The following PHF21B variants were observed in gnomAD, a reference collection of about 807,000 sequenced individuals.
PHF21B encodes the protein PHD finger protein 21B.
Under a neutral mutation model 62.2 loss-of-function variants are expected in PHF21B, and 22 were observed. The observed-to-expected ratio is 0.35, with a 90% CI of 0.25 to 0.51. PHF21B has a LOEUF of 0.51. PHF21B is among the 20% of genes least tolerant of loss of function. The probability of loss-of-function intolerance (pLI) is 0.97; values close to 1 mark genes in which losing one functional copy is unlikely to be tolerated. For missense variants in PHF21B, 701 were observed against 707.9 expected (o/e 0.99, Z 0.11); for synonymous variants, 341 against 314.7 (o/e 1.08, Z -0.88).
chr22:44,959,968 G>A (rs937822459), intron 2 of PHF21B, among the ~76,000 whole-genome samples: 1 of 152,194 alleles, frequency 6.6e-6, no homozygotes, highest in African/African-American at 2.4e-5. Context: ...GAAGCGCTCT[G>A]AGCAGGGCCA....
chr22:44,928,618 T>C (rs5766201), intron 2 of PHF21B, among the ~76,000 whole-genome samples: 91,748 of 152,066 alleles, frequency 0.6, 29,181 homozygotes, highest in East Asian at 0.89. Flanking sequence ...CCATGTTGAC[T>C]GGGCTGGTCT....
At chr22:44,986,525 A>T (rs1379118624) in intron 2 of PHF21B, among the ~76,000 whole-genome samples, 3 of 146,662 alleles carry the variant, frequency 2.0e-5, no homozygotes, top group African/African-American at 7.6e-5. Context: ...TTATTTCAAA[A>T]AAAAAAAAAA....
At chr22:44,945,345 C>T (rs2072045757) in intron 2 of PHF21B, among the ~76,000 whole-genome samples, 1 of 152,214 alleles carries the variant, frequency 6.6e-6, no homozygotes, top group African/African-American at 2.4e-5. Flanking sequence ...CGATTTAACT[C>T]CGTCTGAGTG....
rs1056339974 is a variant in PHF21B at position 44,981,770 on chromosome 22, G to A, written c.120+26775C>T. On this transcript the variant is annotated intron_variant, in intron 2 of 12. Transcript: ENST00000313237. ...ACAAAGAAATGTGACAAGCTACAGCGGCACGCAGGTGTTCTGCTCAAGGAC... is the reference window on the plus strand; with the variant it reads ...ACAAAGAAATGTGACAAGCTACAGCAGCACGCAGGTGTTCTGCTCAAGGAC... 7.2e-5 allele frequency among the ~76,000 whole-genome samples: 11 copies of A among 152,320 alleles called. No homozygotes were observed. In the South Asian group the frequency reaches 1.5e-3, roughly 20 times the overall value.
chr22:44,912,699 T>C (rs187133582), intron 5 of PHF21B, among the ~76,000 whole-genome samples: 16 of 151,898 alleles, frequency 1.1e-4, no homozygotes, highest in Non-Finnish European at 1.8e-4. Context: ...AACGGACTAA[T>C]ACACCCTGTC....
intron 12 of PHF21B, among the ~76,000 whole-genome samples, chr22:44,885,164 T>A (rs113117773): frequency 2.0e-5 from 3 of 152,360 alleles, no homozygotes; most frequent in South Asian, 2.1e-4. Context: ...ACAGTGAAGC[T>A]CTGCATCCAC....
At chr22:44,961,315 T>G (rs948181556) in intron 2 of PHF21B, among the ~76,000 whole-genome samples, 5 of 152,172 alleles carry the variant, frequency 3.3e-5, no homozygotes, top group African/African-American at 9.6e-5. Context: ...GCAGGTTACA[T>G]AGGTATACTT....
Position 45,008,564 on chromosome 22 carries a change from G to A in PHF21B, c.101C>T (p.Ala34Val). The change falls in exon 2 of 13, where the codon GCC becomes GTC. Residue 34 changes from alanine (A) to valine (V), a missense_variant. Transcript: ENST00000313237. ...KQLHERQPRI[A>V]ALSDKQALGT... ...GCTTACTTGTTTGTCGCTGAGCGCGGCGATCCGCGGCTGCCTTTCGTGGAG... is the reference window on the plus strand; with the variant it reads ...GCTTACTTGTTTGTCGCTGAGCGCGACGATCCGCGGCTGCCTTTCGTGGAG... The A allele has an allele frequency of 6.3e-7, 1 of 1,586,836 alleles. No individual in the cohort carries two copies. Among genetic ancestry groups the A allele is most frequent in the Non-Finnish European group, 8.6e-7 (1 of 1,167,092 alleles).
intron 2 of PHF21B, among the ~76,000 whole-genome samples, chr22:44,942,301 G>A (rs1396772958): frequency 6.6e-6 from 1 of 152,122 alleles, no homozygotes; most frequent in Non-Finnish European, 1.5e-5. Context: ...GGCAGCCGAT[G>A]GGCTCTGCCA....
intron 3 of PHF21B, 134 bp downstream of exon 3, chr22:44,920,264 G>A (rs2071510856): frequency 1.9e-6 from 1 of 520,920 alleles, no homozygotes; most frequent in African/African-American, 1.9e-5. Context: ...AGGTAAGAGG[G>A]GAAGGTGCAG....
chr22:44,957,625 C>CCGCCTG (rs1341373882), intron 2 of PHF21B, among the ~76,000 whole-genome samples: 1 of 152,084 alleles, frequency 6.6e-6, no homozygotes, highest in Admixed American at 6.5e-5. Flanking sequence ...GCTAATTTTT[C>CCGCCTG]CTAAGTTCCC....
intron 2 of PHF21B, among the ~76,000 whole-genome samples, chr22:44,987,298 CAA>C (rs2072967601): frequency 6.6e-6 from 1 of 151,102 alleles, no homozygotes; most frequent in East Asian, 1.9e-4. Flanking sequence ...TGGGAACTAG[CAA>C]AGAGGTGAGA....
At chr22:45,000,225 G>A (rs2073189899) in intron 2 of PHF21B, among the ~76,000 whole-genome samples, 1 of 152,100 alleles carries the variant, frequency 6.6e-6, no homozygotes, top group African/African-American at 2.4e-5. Context: ...TACTCGGGAG[G>A]GAAATCGGGG....
At chr22:44,889,730 A>C (rs1399373928) in intron 9 of PHF21B, 30 bp downstream of exon 9, 1 of 1,582,322 alleles carries the variant, frequency 6.3e-7, no homozygotes, top group Admixed American at 1.8e-5. Context: ...CCACCCCGGA[A>C]GTGTGAAGAC....
chr22:44,972,682 CTCAG>C (rs1263776378), intron 2 of PHF21B, among the ~76,000 whole-genome samples: 14 of 152,032 alleles, frequency 9.2e-5, no homozygotes, highest in Middle Eastern at 3.4e-3. Flanking sequence ...AAAGCCCTCA[CTCAG>C]TCAGTCAACA....
At chr22:44,919,213 C>T (rs1471626047) in intron 3 of PHF21B, among the ~76,000 whole-genome samples, 1 of 81,720 alleles carries the variant, frequency 1.2e-5, no homozygotes, top group Non-Finnish European at 2.5e-5. Flanking sequence ...TCTGGCATGG[C>T]CCGATCACCC....
chr22:44,897,050 C>T (rs1175407512), intron 5 of PHF21B, among the ~76,000 whole-genome samples: 3 of 151,580 alleles, frequency 2.0e-5, no homozygotes, highest in East Asian at 1.9e-4. Context: ...AGCTAATTTT[C>T]GTATTTTTTG....
At chr22:44,908,970 T>C (rs5765082) in intron 5 of PHF21B, among the ~76,000 whole-genome samples, 38,102 of 152,092 alleles carry the variant, frequency 0.25, 5,515 homozygotes, top group East Asian at 0.63. Context: ...GCTCATTTTT[T>C]GTATTTTTGT....
At chr22:44,983,107 G>A (rs1339619411) in intron 2 of PHF21B, among the ~76,000 whole-genome samples, 5 of 152,176 alleles carry the variant, frequency 3.3e-5, no homozygotes, top group African/African-American at 9.6e-5. Context: ...GGTGGCAGGC[G>A]CCTGTAATCC....
Sources: gnomAD v4.1 joint callset for allele counts (sites outside exome capture counted in the v4.1 genomes callset) on GRCh38, gnomAD v4.1.1 for gene constraint, MANE v1.5 for transcripts, NCBI Gene and HGNC (gene_info 2026-07-23, HGNC 2026-07-21) for gene names.